AFF3: variants seen among roughly 807,000 people sequenced by gnomAD.
AFF3 encodes ALF transcription elongation factor 3, also known as AF4/FMR2 family member 3.
AFF3 carries 32 observed loss-of-function variants against 129.7 expected under a neutral mutation model. That is an observed-to-expected ratio of 0.25 (90% CI 0.19 to 0.33). The LOEUF is 0.33. Ranked by LOEUF, AFF3 falls within the 10% of genes least tolerant of loss-of-function variation. The pLI is 1.00. For missense variants in AFF3, 1,373 were observed against 1,592.0 expected (o/e 0.86, Z 2.34); for synonymous variants, 644 against 635.4 (o/e 1.01, Z -0.20).
intron 10 of AFF3, among the ~76,000 whole-genome samples, chr2:99,732,347 CAAA>C (rs35379808): frequency 8.0e-5 from 6 of 74,882 alleles, no homozygotes; most frequent in Admixed American, 3.2e-4. Flanking sequence ...GACTCTGTCT[CAAA>C]AAAAAAAAAA....
chr2:99,892,101 C>A (rs1200680265), intron 7 of AFF3, among the ~76,000 whole-genome samples: 1 of 152,138 alleles, frequency 6.6e-6, no homozygotes, highest in East Asian at 1.9e-4. Context: ...GGATTACAGG[C>A]ATGAGCCACC....
At chr2:100,028,417 T>C (rs1684225135) in intron 4 of AFF3, among the ~76,000 whole-genome samples, 1 of 152,000 alleles carries the variant, frequency 6.6e-6, no homozygotes. Context: ...AATCAGAAAA[T>C]AATTAAAACA....
chr2:99,804,268 A>G (rs1686174601), intron 8 of AFF3, among the ~76,000 whole-genome samples: 2 of 152,172 alleles, frequency 1.3e-5, no homozygotes, highest in African/African-American at 4.8e-5. Flanking sequence ...ATCAAAACAT[A>G]GGCAAATGAC....
chr2:99,691,427 C>T (rs75716986), intron 11 of AFF3, among the ~76,000 whole-genome samples: 2,382 of 152,230 alleles, frequency 0.016, 26 homozygotes, highest in Middle Eastern at 0.041. Context: ...CCCTTGTCCC[C>T]GCTTGGTGTC....
At chr2:99,967,822 C>T (rs910616555) in intron 7 of AFF3, among the ~76,000 whole-genome samples, 1 of 152,214 alleles carries the variant, frequency 6.6e-6, no homozygotes, top group Non-Finnish European at 1.5e-5. Flanking sequence ...AGAACCAATG[C>T]CACTGCCTTA....
chr2:100,127,623 G>A (rs1189303674), intron 2 of AFF3, among the ~76,000 whole-genome samples: 2 of 152,206 alleles, frequency 1.3e-5, no homozygotes, highest in African/African-American at 2.4e-5. Flanking sequence ...CCTGAGAAGA[G>A]TAGCCCAAGG....
chr2:100,038,482 A>C, intron 4 of AFF3, among the ~76,000 whole-genome samples: 1 of 152,150 alleles, frequency 6.6e-6, no homozygotes, highest in East Asian at 1.9e-4. Context: ...TGAGCTAATA[A>C]CACAAAGAGA....
intron 8 of AFF3, among the ~76,000 whole-genome samples, chr2:99,813,488 A>C (rs1219789543): frequency 6.6e-6 from 1 of 152,174 alleles, no homozygotes; most frequent in African/African-American, 2.4e-5. Context: ...AAGTTATGAA[A>C]CCTGACCTGG....
At chr2:99,952,691 G>T (rs373786643) in intron 7 of AFF3, among the ~76,000 whole-genome samples, 2 of 151,928 alleles carry the variant, frequency 1.3e-5, no homozygotes, top group African/African-American at 4.8e-5. Flanking sequence ...TGATGAAAAG[G>T]GTGAGCCTGC....
intron 8 of AFF3, among the ~76,000 whole-genome samples, chr2:99,830,403 T>C (rs1688430981): frequency 6.6e-6 from 1 of 152,188 alleles, no homozygotes; most frequent in African/African-American, 2.4e-5. Context: ...CATCAAAGAA[T>C]AAATGTCTGC....
At chr2:100,057,704 C>T (rs1053126131) in intron 4 of AFF3, among the ~76,000 whole-genome samples, 3 of 152,152 alleles carry the variant, frequency 2.0e-5, no homozygotes, top group African/African-American at 4.8e-5. Context: ...CCCACAATCT[C>T]GTAAAGTCTT....
chr2:100,104,387 G>C lies in AFF3; in HGVS notation c.53+15C>G, dbSNP rs1012906601. 9.0e-7 allele frequency: 1 copy of C among 1,106,274 alleles called. No individual in the cohort carries two copies. The highest frequency in any genetic ancestry group is 1.1e-6 in the Non-Finnish European group (1 of 886,276). The allele number at this position is 1,106,274 out of a possible 1,614,324, so 68.5% of individuals were successfully genotyped here. A position where few individuals can be genotyped will look rare whatever the true frequency, so the allele number is the denominator to read the frequency against. On this transcript the variant is annotated intron_variant, in intron 4 of 24. Coordinates refer to ENST00000672756, the MANE Select transcript of AFF3 (RefSeq NM_001386135.1). ...CCGCTCCCGCCCGCCCGAAGCGGCC[G>C]GCACGGGGACTTACCACAGTGACTC...
intron 11 of AFF3, among the ~76,000 whole-genome samples, chr2:99,678,593 G>GT (rs1188776300): frequency 6.6e-6 from 1 of 152,108 alleles, no homozygotes; most frequent in African/African-American, 2.4e-5. Flanking sequence ...TGTTTTAATG[G>GT]TTTTTTAAAA....
intron 10 of AFF3, among the ~76,000 whole-genome samples, chr2:99,739,061 T>A (rs1275769340): frequency 6.7e-6 from 1 of 150,230 alleles, no homozygotes; most frequent in African/African-American, 2.5e-5. Flanking sequence ...TTTTTGGGGG[T>A]TTTTGAGAAA....
chr2:99,693,314 T>C (rs769541033), intron 11 of AFF3, among the ~76,000 whole-genome samples: 10 of 152,232 alleles, frequency 6.6e-5, no homozygotes, highest in Non-Finnish European at 1.3e-4. Flanking sequence ...AAAAATCTTA[T>C]TTTTTCTTGT....
chr2:100,108,321 CTGAG>C (rs764229890), intron 2 of AFF3, among the ~76,000 whole-genome samples: 1 of 152,166 alleles, frequency 6.6e-6, no homozygotes, highest in Non-Finnish European at 1.5e-5. Flanking sequence ...ACAGGTATCT[CTGAG>C]TGGTTCTAAC....
chr2:99,662,604 T>C (rs1232432865), intron 12 of AFF3, among the ~76,000 whole-genome samples: 1 of 152,208 alleles, frequency 6.6e-6, no homozygotes, highest in African/African-American at 2.4e-5. Flanking sequence ...TACATGATGT[T>C]TGGTACTTAG....
chr2:99,860,282 T>C (rs1395593857), intron 7 of AFF3, among the ~76,000 whole-genome samples: 1 of 151,812 alleles, frequency 6.6e-6, no homozygotes, highest in Non-Finnish European at 1.5e-5. Flanking sequence ...CAGCTGGGCA[T>C]GGTGCTCATG....
chr2:99,736,903 C>T (rs1303116936), intron 10 of AFF3, among the ~76,000 whole-genome samples: 2 of 152,154 alleles, frequency 1.3e-5, no homozygotes, highest in African/African-American at 4.8e-5. Flanking sequence ...AGCCACCACG[C>T]CCGGCCTTTA....
Sources: allele counts gnomAD v4.1 joint callset (sites outside exome capture counted in the v4.1 genomes callset), GRCh38; gene constraint gnomAD v4.1.1; transcripts MANE v1.5; gene names NCBI Gene and HGNC (gene_info 2026-07-23, HGNC 2026-07-21).